The following KIAA1671 variants were observed in gnomAD, a reference collection of about 807,000 sequenced individuals.
The protein encoded by KIAA1671 is uncharacterized protein KIAA1671.
A neutral mutation model predicts 131.2 loss-of-function variants in KIAA1671; 52 were observed. The observed-to-expected ratio is 0.40, with a 90% confidence interval of 0.32 to 0.50. KIAA1671 has a LOEUF of 0.50. KIAA1671 is among the 20% of genes least tolerant of loss of function. The pLI is 0.73. For synonymous variants in KIAA1671, 1,003 were observed against 961.6 expected, an observed-to-expected ratio of 1.04 and a Z score of -0.80; for missense variants, 2,360 against 2,364.2, an observed-to-expected ratio of 1.00 and a Z score of 0.04.
chr22:25,115,735 GT>G (rs1931619497), intron 6 of KIAA1671, among the ~76,000 whole-genome samples: 2 of 152,128 alleles, frequency 1.3e-5, no homozygotes, highest in Admixed American at 1.3e-4. Context: ...TAACTTGCAT[GT>G]CTTCATTAAT....
rs60107890 is a variant in KIAA1671, at chr22:24,979,358, A to ATTT, written c.-208+26593_-208+26595dup. Among the ~76,000 whole-genome samples, 7 of 125,326 alleles carry ATTT rather than the reference A, an allele frequency of 5.6e-5. No individual in the cohort carries two copies. In the East Asian group the frequency reaches 6.9e-4, roughly 12 times the overall value. 82.2% of individuals were successfully genotyped at this position (125,326 alleles called of 152,430 possible). A position where few individuals can be genotyped will look rare whatever the true frequency, so the allele number is the denominator to read the frequency against. Reference sequence around the variant, plus strand: ...ATTTTATTTATTTATTTATTTATTTATTTTTTTTTGAGACGGAGTCTCGCT... The same window carrying ATTT: ...ATTTTATTTATTTATTTATTTATTTATTTTTTTTTTTTGAGACGGAGTCTCGCT... On this transcript the variant is annotated intron_variant, in intron 1 of 12. Coordinates refer to ENST00000358431, the MANE Select transcript of KIAA1671 (RefSeq NM_001145206.2).
intron 1 of KIAA1671, chr22:25,013,559 T>G (rs1219531067): frequency 2.6e-5 from 4 of 152,244 alleles, no homozygotes. Flanking sequence ...TTATATTTCC[T>G]GCAATGCAAT....
chr22:25,009,253 C>CTT (rs35147267), intron 1 of KIAA1671, among the ~76,000 whole-genome samples: 927 of 62,790 alleles, frequency 0.015, 127 homozygotes, highest in East Asian at 0.035. Flanking sequence ...CCCTTCCCCA[C>CTT]TTTTTTTTTT....
At chr22:25,126,961 A>G (rs182794234) in intron 6 of KIAA1671, among the ~76,000 whole-genome samples, 2 of 152,308 alleles carry the variant, frequency 1.3e-5, no homozygotes, top group East Asian at 3.9e-4. Context: ...CTTTGAACCA[A>G]TGTCCTCTCC....
chr22:25,165,017 G>GTC (rs1555884282), intron 6 of KIAA1671, among the ~76,000 whole-genome samples: 1 of 146,964 alleles, frequency 6.8e-6, no homozygotes, highest in East Asian at 2.0e-4. Context: ...GTGTGTGTGT[G>GTC]TGTGTCTGTG....
chr22:24,992,324 A>T (rs1430214919), intron 1 of KIAA1671, among the ~76,000 whole-genome samples: 1 of 151,954 alleles, frequency 6.6e-6, no homozygotes, highest in Non-Finnish European at 1.5e-5. Flanking sequence ...TTACTGGGGG[A>T]CAGGGTCTCA....
At chr22:25,148,381 A>C (rs1242428566) in intron 6 of KIAA1671, among the ~76,000 whole-genome samples, 27 of 152,002 alleles carry the variant, frequency 1.8e-4, no homozygotes, top group Non-Finnish European at 3.5e-4. Flanking sequence ...AAGCTGGCAC[A>C]AGCCCCTGCT....
At chr22:25,138,835 A>G (rs751596647) in intron 6 of KIAA1671, among the ~76,000 whole-genome samples, 4 of 152,106 alleles carry the variant, frequency 2.6e-5, no homozygotes, top group Non-Finnish European at 5.9e-5. Context: ...TGGTGCCTGC[A>G]TTTCTCTAGG....
At chr22:25,046,445 T>TCCATCCCC (rs1465613746) in intron 5 of KIAA1671, among the ~76,000 whole-genome samples, 4 of 152,088 alleles carry the variant, frequency 2.6e-5, no homozygotes, top group Admixed American at 1.3e-4. Context: ...CCTTCCTCTC[T>TCCATCCCC]TTTTCTCTGT....
chr22:25,093,757 TCTCTCTCTCTGTCTCTCTCTCTC>T (rs1930197306), intron 6 of KIAA1671, among the ~76,000 whole-genome samples: 1 of 124,492 alleles, frequency 8.0e-6, no homozygotes, highest in Admixed American at 7.6e-5. Flanking sequence ...TCTCTCTCTC[TCTCTCTCTCTGTCTCTCTCTCTC>T]TCTCTCTCTC....
intron 6 of KIAA1671, among the ~76,000 whole-genome samples, chr22:25,082,403 G>A (rs1929459738): frequency 6.6e-6 from 1 of 152,206 alleles, no homozygotes; most frequent in South Asian, 2.1e-4. Flanking sequence ...TGGAGGAAGT[G>A]GGAGATTTGA....
At chr22:25,143,109 T>G (rs990731328) in intron 6 of KIAA1671, among the ~76,000 whole-genome samples, 4 of 152,218 alleles carry the variant, frequency 2.6e-5, no homozygotes, top group African/African-American at 9.6e-5. Context: ...TACTCAGGTA[T>G]TTTTCAGGCT....
chr22:24,990,971 G>A (rs1923811063), intron 1 of KIAA1671, among the ~76,000 whole-genome samples: 1 of 152,124 alleles, frequency 6.6e-6, no homozygotes, highest in African/African-American at 2.4e-5. Context: ...GGCTGGCCAA[G>A]CAGCTCCAGT....
chr22:25,014,650 C>T lies in KIAA1671; in HGVS notation c.-207-10983C>T, dbSNP rs1265351832. ...TAACTCCTGGCCTCAAGCTATCCTC[C>T]TGCCTTAGCCTCCCAAAGCATTGGG... On this transcript the variant is annotated intron_variant, in intron 1 of 12. Transcript: ENST00000358431. The T allele has an allele frequency of 6.6e-5, 10 of 152,322 alleles. No individual in the cohort carries two copies. In the East Asian group the frequency reaches 1.9e-3, roughly 29 times the overall value. 9.4% of individuals were successfully genotyped at this position (152,322 alleles called of 1,614,324 possible). A position where few individuals can be genotyped will look rare whatever the true frequency, so the allele number is the denominator to read the frequency against.
chr22:25,164,962 G>C (rs1297005173), intron 6 of KIAA1671, among the ~76,000 whole-genome samples: 1 of 97,638 alleles, frequency 1.0e-5, no homozygotes, highest in Non-Finnish European at 2.1e-5. Context: ...AAAAAAAAAA[G>C]AGAGAGAGTT....
chr22:25,185,190 A>G (rs546416755), intron 11 of KIAA1671, 71 bp downstream of exon 11: 198 of 1,432,412 alleles, frequency 1.4e-4, no homozygotes, highest in Non-Finnish European at 1.8e-4. Context: ...AGGTGCTCGC[A>G]TAGGTTTTAG....
intron 1 of KIAA1671, among the ~76,000 whole-genome samples, chr22:25,016,310 T>C (rs1012480638): frequency 6.6e-6 from 1 of 151,972 alleles, no homozygotes; most frequent in Non-Finnish European, 1.5e-5. Flanking sequence ...TGAGCCACCG[T>C]GCCCAGCCAA....
chr22:25,188,693 G>A (rs1027703115), intron 11 of KIAA1671, among the ~76,000 whole-genome samples: 2 of 152,102 alleles, frequency 1.3e-5, no homozygotes, highest in Admixed American at 1.3e-4. Flanking sequence ...TAAGCTAGAG[G>A]AAAGATGTTA....
At chr22:24,992,250 C>T (rs1182435008) in intron 1 of KIAA1671, among the ~76,000 whole-genome samples, 1 of 152,178 alleles carries the variant, frequency 6.6e-6, no homozygotes, top group Admixed American at 6.5e-5. Context: ...ATGCCTAGGG[C>T]TCTGGCAGGA....
Sources: allele counts gnomAD v4.1 joint callset (sites outside exome capture counted in the v4.1 genomes callset), GRCh38; gene constraint gnomAD v4.1.1; transcripts MANE v1.5; gene names NCBI Gene and HGNC (gene_info 2026-07-23, HGNC 2026-07-21).